BARHL2: variants seen among roughly 807,000 people sequenced by gnomAD.
BARHL2 encodes BarH like homeobox 2.
BARHL2 carries 10 observed loss-of-function variants against 27.1 expected under a neutral mutation model. That is an observed-to-expected ratio of 0.37 (90% confidence interval 0.23 to 0.63). The LOEUF (loss-of-function observed/expected upper bound fraction) is 0.63. Among genes scored for constraint, BARHL2 ranks in the 20% least tolerant of loss-of-function variants. BARHL2 has a pLI of 0.65. For synonymous variants in BARHL2, 248 were observed against 224.7 expected (o/e 1.10, Z -0.93); for missense variants, 483 against 533.5 (o/e 0.91, Z 0.93).
rs769870418 is a variant in BARHL2 at position 90,712,448 on chromosome 1, C to A, written c.1028G>T (p.Arg343Leu). 21 of 1,612,792 alleles carry A rather than the reference C, an allele frequency of 1.3e-5. No individual in the cohort carries two copies. The highest frequency in any genetic ancestry group is 1.7e-5 in the Non-Finnish European group (20 of 1,179,476). ...AAAAMYSSMYRTPPAPHPQLQ... is the reference protein window; with the variant it reads ...AAAAMYSSMYLTPPAPHPQLQ... Reference sequence around the variant, plus strand: ...CTGGGGATGGGGTGCTGGAGGAGTCCGGTACATGCTGCTGTACATGGCAGC... The same window carrying A: ...CTGGGGATGGGGTGCTGGAGGAGTCAGGTACATGCTGCTGTACATGGCAGC... Residue 343 changes from arginine (R) to leucine (L), a missense_variant, in exon 3 of 3, where the codon CGG (arginine) becomes CTG (leucine). This residue lies in a region of BARHL2 where 130 missense variants were observed against 138.0 expected (regional missense o/e 0.94). Coordinates refer to ENST00000370445, the MANE Select transcript of BARHL2 (RefSeq NM_020063.2).
rs961155406 is a variant in BARHL2 at position 90,712,293 on chromosome 1, T to G, written c.*19A>C. The G allele has an allele frequency of 6.9e-6, 10 of 1,443,716 alleles. No individual in the cohort carries two copies. The highest frequency in any genetic ancestry group is 9.1e-6 in the Non-Finnish European group (10 of 1,096,458). 89.4% of individuals were successfully genotyped at this position (1,443,716 alleles called of 1,614,324 possible). ...CAGGGATATGGGGAAGGGATTGCAG[T>G]GCCTTCGCTGCAATGTTTTCACCGG... On this transcript the variant is annotated 3_prime_UTR_variant, in exon 3 of 3. Coordinates refer to ENST00000370445, the MANE Select transcript of BARHL2 (RefSeq NM_020063.2).
At position 90,717,076 on chromosome 1, in the gene BARHL2, G is replaced by A. The variant is rs750100870; in HGVS notation, c.120C>T (p.Thr40=). The A allele has an allele frequency of 6.2e-7, 1 of 1,613,994 alleles. No homozygotes were observed. Among genetic ancestry groups the A allele is most frequent in the Non-Finnish European group, 8.5e-7 (1 of 1,180,000 alleles). Residue 40 remains threonine, a synonymous_variant, in exon 1 of 3, where the codon ACC becomes ACT. Transcript: ENST00000370445. ...GDFRPLGEAR[T]ADFRSQATPS... ...GGGTGGCCTGACTCCTAAAATCCGC[G>A]GTCCTGGCCTCACCGAGCGGGCGGA...
At position 90,711,834 on chromosome 1, in the gene BARHL2, G is replaced by A. The variant is rs1490583763; in HGVS notation, c.*478C>T. ...CAGTTACCCTCCTCTTTTCTCTGGG[G>A]CAGACGGAATGTCCTCGGCAACGCC... On this transcript the variant is annotated 3_prime_UTR_variant, in exon 3 of 3. Transcript: ENST00000370445. The A allele has an allele frequency of 6.6e-6, 1 of 152,330 alleles. No individual in the cohort carries two copies. Among genetic ancestry groups the A allele is most frequent in the African/African-American group, 2.4e-5 (1 of 41,314 alleles). The allele number at this position is 152,330 out of a possible 1,614,324, so 9.4% of individuals were successfully genotyped here. A position where few individuals can be genotyped will look rare whatever the true frequency, so the allele number is the denominator to read the frequency against.
intron 2 of BARHL2, among the ~76,000 whole-genome samples, chr1:90,713,832 C>G (rs1658087542): frequency 6.6e-6 from 1 of 152,236 alleles, no homozygotes; most frequent in Non-Finnish European, 1.5e-5. Flanking sequence ...CAGTGCCAGG[C>G]AGGCTCTGCA....
intron 1 of BARHL2, 44 bp from the exon 2 acceptor site, chr1:90,714,800 G>A (rs1658109994): frequency 6.3e-7 from 1 of 1,586,456 alleles, no homozygotes; most frequent in Non-Finnish European, 8.7e-7. Context: ...GCCTGGAATG[G>A]GGAAGGACTG....
chr1:90,716,875 A>C lies in BARHL2; in HGVS notation c.321T>G (p.Pro107=), dbSNP rs772479464. The C allele has an allele frequency of 3.2e-6, 5 of 1,578,448 alleles. No homozygotes were observed. The highest frequency in any genetic ancestry group is 4.3e-6 in the Non-Finnish European group (5 of 1,163,298). The part of the protein sequence containing the change: ...PAAAPTQSLQ[P]LPQQQQPLPP... ...GCAGCGGCTGCTGCTGTTGGGGCAA[A>C]GGCTGCAAACTTTGCGTCGGGGCCG... The change falls in exon 1 of 3, where the codon CCT becomes CCG. Residue 107 remains proline (P), a synonymous_variant. Coordinates refer to ENST00000370445, the MANE Select transcript of BARHL2 (RefSeq NM_020063.2).
At position 90,712,284 on chromosome 1, in the gene BARHL2, G is replaced by A; in HGVS notation, c.*28C>T. ...CGGGTTGGGCAGGGATATGGGGAAG[G>A]GATTGCAGTGCCTTCGCTGCAATGT... On this transcript the variant is annotated 3_prime_UTR_variant, in exon 3 of 3. Transcript: ENST00000370445. The A allele has an allele frequency of 1.4e-6, 2 of 1,440,476 alleles. No homozygotes were observed. Among genetic ancestry groups the A allele is most frequent in the Non-Finnish European group, 1.8e-6 (2 of 1,095,502 alleles). The allele number at this position is 1,440,476 out of a possible 1,614,324, so 89.2% of individuals were successfully genotyped here.
intron 1 of BARHL2, among the ~76,000 whole-genome samples, 191 bp downstream of exon 1, chr1:90,716,379 TA>T (rs1291005551): frequency 6.6e-6 from 1 of 152,080 alleles, no homozygotes; most frequent in Non-Finnish European, 1.5e-5. Flanking sequence ...GGTAGAACAA[TA>T]AACAGAACTT....
chr1:90,712,178 C>G lies in BARHL2; in HGVS notation c.*134G>C, dbSNP rs943147126. On this transcript the variant is annotated 3_prime_UTR_variant, in exon 3 of 3. Coordinates refer to ENST00000370445, the MANE Select transcript of BARHL2 (RefSeq NM_020063.2). Reference sequence around the variant, plus strand: ...TCCCCTGCCCACTGGTAAGCATCTTCCTCTCTTACTCCTCTGCCTTCCAGA... The same window carrying G: ...TCCCCTGCCCACTGGTAAGCATCTTGCTCTCTTACTCCTCTGCCTTCCAGA... The G allele has an allele frequency of 8.1e-6, 8 of 991,210 alleles. No individual in the cohort carries two copies. The highest frequency in any genetic ancestry group is 1.1e-5 in the Non-Finnish European group (8 of 722,092). 61.4% of individuals were successfully genotyped at this position (991,210 alleles called of 1,614,324 possible). A position where few individuals can be genotyped will look rare whatever the true frequency, so the allele number is the denominator to read the frequency against.
At position 90,716,872 on chromosome 1, in the gene BARHL2, C is replaced by T; in HGVS notation, c.324G>A (p.Leu108=). Residue 108 remains leucine, a synonymous_variant, in exon 1 of 3, where the codon TTG becomes TTA. Coordinates refer to ENST00000370445, the MANE Select transcript of BARHL2 (RefSeq NM_020063.2). ...GCGGCAGCGGCTGCTGCTGTTGGGG[C>T]AAAGGCTGCAAACTTTGCGTCGGGG... ...AAAPTQSLQP[L]PQQQQPLPPQ... is the part of the protein sequence containing the mutation. 1 of 1,572,310 alleles carries T rather than the reference C, an allele frequency of 6.4e-7. No homozygotes were observed. Among genetic ancestry groups the T allele is most frequent in the Non-Finnish European group, 8.6e-7 (1 of 1,160,336 alleles).
intron 1 of BARHL2, among the ~76,000 whole-genome samples, chr1:90,716,065 T>G (rs1386150794): frequency 6.8e-6 from 1 of 146,960 alleles, no homozygotes; most frequent in Non-Finnish European, 1.5e-5. Context: ...ACTCAGAAAT[T>G]TTTCCTCCAT....
intron 2 of BARHL2, 125 bp from the exon 3 acceptor site, chr1:90,712,749 G>C: frequency 9.9e-7 from 1 of 1,011,358 alleles, no homozygotes; most frequent in Admixed American, 2.9e-5. Flanking sequence ...GGAAGACTCA[G>C]AGACCTCTTC....
intron 1 of BARHL2, 22 bp from the exon 2 acceptor site, chr1:90,714,778 G>C (rs71666273): frequency 0.01 from 16,829 of 1,611,086 alleles, 129 homozygotes; most frequent in Non-Finnish European, 0.013. Context: ...ACCCAGCCAC[G>C]GTGGTAAGTT....
rs1212235942 is a variant in BARHL2, at chr1:90,712,379, C to T, written c.1097G>A (p.Gly366Glu). Residue 366 changes from glycine to glutamate, a missense_variant, in exon 3 of 3, where the codon GGG (glycine) becomes GAG (glutamate). Transcript: ENST00000370445. ...LVPRVLIHGL[G>E]PGGQPALNPL... ...ATTAAGGGCTGGCTGTCCCCCAGGC[C>T]CTAGGCCGTGGATGAGCACACGGGG... 2 of 1,577,516 alleles carry T rather than the reference C, an allele frequency of 1.3e-6. No homozygotes were observed. Among genetic ancestry groups the T allele is most frequent in the Admixed American group, 1.8e-5 (1 of 54,904 alleles).
chr1:90,712,501 C>T lies in BARHL2; in HGVS notation c.975G>A (p.Met325Ile), dbSNP rs1324888347. The T allele has an allele frequency of 1.2e-6, 2 of 1,614,050 alleles. No individual in the cohort carries two copies. The highest frequency in any genetic ancestry group is 1.7e-6 in the Non-Finnish European group (2 of 1,179,990). ...YFYHPSLLGS[M>I]DSTTAAAAAA... ...CAGCCGCCGCCGCCGTAGTGCTGTC[C>T]ATGCTGCCCAGCAGGCTTGGGTGAT... Residue 325 changes from methionine (M) to isoleucine (I), a missense_variant, in exon 3 of 3, where the codon ATG becomes ATA. This residue lies in a region of BARHL2 where 130 missense variants were observed against 138.0 expected (regional missense o/e 0.94). Coordinates refer to ENST00000370445, the MANE Select transcript of BARHL2 (RefSeq NM_020063.2).
Position 90,716,904 on chromosome 1 carries a change from CCGGCGG to C in BARHL2, c.286_291del (p.Pro96_Pro97del). 3 of 1,599,242 alleles carry C rather than the reference CCGGCGG, an allele frequency of 1.9e-6. No homozygotes were observed. Among genetic ancestry groups the C allele is most frequent in the Non-Finnish European group, 2.6e-6 (3 of 1,174,814 alleles). ...TGCAAACTTTGCGTCGGGGCCGCGG[CCGGCGG>C]CGGCGGCTGCTGGCTGTGGTGGAGG... On this transcript the variant is annotated inframe_deletion, in exon 1 of 3. Coordinates refer to ENST00000370445, the MANE Select transcript of BARHL2 (RefSeq NM_020063.2).
Position 90,716,771 on chromosome 1 carries a change from AAAG to A in BARHL2, c.422_424del (p.Ser141del). ...GTCGCCCAAGATGTCCTTAATTAAA[AAAG>A]AAGACGTGGAAGTCCTGGGGGCCGA... On this transcript the variant is annotated inframe_deletion, in exon 1 of 3. Transcript: ENST00000370445. 2 of 1,565,280 alleles carry A rather than the reference AAAG, an allele frequency of 1.3e-6. No homozygotes were observed. Among genetic ancestry groups the A allele is most frequent in the Non-Finnish European group, 1.7e-6 (2 of 1,154,132 alleles).
At position 90,712,172 on chromosome 1, in the gene BARHL2, C is replaced by T; in HGVS notation, c.*140G>A. On this transcript the variant is annotated 3_prime_UTR_variant, in exon 3 of 3. Transcript: ENST00000370445. ...TGGGGGTCCCCTGCCCACTGGTAAG[C>T]ATCTTCCTCTCTTACTCCTCTGCCT... 4.3e-6 allele frequency: 4 copies of T among 932,514 alleles called. No homozygotes were observed. Among genetic ancestry groups the T allele is most frequent in the Non-Finnish European group, 6.0e-6 (4 of 669,870 alleles). The allele number at this position is 932,514 out of a possible 1,614,324, so 57.8% of individuals were successfully genotyped here. A position where few individuals can be genotyped will look rare whatever the true frequency, so the allele number is the denominator to read the frequency against.
rs201997253 is a variant in BARHL2 at position 90,716,625 on chromosome 1, T to C, written c.571A>G (p.Ser191Gly). ...TCCCGCTTGTCGAGTTTGGTCTTGC[T>C]GTCCTCCTGCTCGAGCTTTGGCCTG... The part of the protein sequence containing the change: ...SFRPKLEQED[S>G]KTKLDKREDS... Residue 191 changes from serine (S) to glycine (G), a missense_variant, in exon 1 of 3, where the codon AGC becomes GGC. Ser to Gly is a moderately conservative substitution (Grantham distance 56). Coordinates refer to ENST00000370445, the MANE Select transcript of BARHL2 (RefSeq NM_020063.2). The C allele has an allele frequency of 4.2e-5, 68 of 1,614,196 alleles. No individual in the cohort carries two copies. In the East Asian group the frequency reaches 1.4e-3, roughly 33 times the overall value.
Sources: gnomAD v4.1 joint callset for allele counts (sites outside exome capture counted in the v4.1 genomes callset) on GRCh38, gnomAD v4.1.1 for gene constraint, gnomAD v4.1.1 regional missense constraint, MANE v1.5 for transcripts, NCBI Gene and HGNC (gene_info 2026-07-23, HGNC 2026-07-21) for gene names.